Variants in TECTA observed in about 807,000 individuals in gnomAD.
The protein encoded by TECTA is alpha-tectorin.
A neutral mutation model predicts 216.8 loss-of-function variants in TECTA; 128 were observed. That is an observed-to-expected ratio of 0.59 (90% CI 0.51 to 0.68). The LOEUF is 0.68. Among genes scored for constraint, TECTA ranks in the 30% least tolerant of loss-of-function variants. The pLI is 0.00. For synonymous variants in TECTA, 1,089 were observed against 1,117.1 expected (o/e 0.97, Z 0.50); for missense variants, 2,551 against 2,786.2 (o/e 0.92, Z 1.90).
In TECTA at chr11:121,168,069, A is replaced by G; in HGVS notation, c.5602A>G (p.Ile1868Val). ...TGTTCTGCAGTCCAATGGCACGCATATCATGTATAAAAACACACTCTGGAT... is the reference window on the plus strand; with the variant it reads ...TGTTCTGCAGTCCAATGGCACGCATGTCATGTATAAAAACACACTCTGGAT... ...GNIVQSNGTH[I>V]MYKNTLWIES... Residue 1868 changes from isoleucine (I) to valine (V), a missense_variant, in exon 19 of 24, where the codon ATC becomes GTC. This residue lies in a region of TECTA where 2,375 missense variants were observed against 2,563.9 expected (regional missense o/e 0.93). Coordinates refer to ENST00000392793, the MANE Select transcript of TECTA (RefSeq NM_005422.4). 1 of 1,614,176 alleles carries G rather than the reference A, an allele frequency of 6.2e-7. No individual in the cohort carries two copies. Among genetic ancestry groups the G allele is most frequent in the East Asian group, 2.2e-5 (1 of 44,888 alleles).
intron 8 of TECTA, among the ~76,000 whole-genome samples, chr11:121,126,604 G>A (rs1438831692): frequency 2.0e-5 from 3 of 152,164 alleles, no homozygotes; most frequent in South Asian, 4.1e-4. Context: ...CTCCATATGA[G>A]TAAATAGAAA....
rs372185673 is a variant in TECTA, at chr11:121,113,170, C to T, written c.585C>T (p.Gly195=). 5.3e-5 allele frequency: 85 copies of T among 1,613,894 alleles called. No individual in the cohort carries two copies. The highest frequency in any genetic ancestry group is 1.6e-4 in the Middle Eastern group (1 of 6,084). The change falls in exon 5 of 24, where the codon GGC becomes GGT. Residue 195 remains glycine (G), a synonymous_variant. Coordinates refer to ENST00000392793, the MANE Select transcript of TECTA (RefSeq NM_005422.4). This position sits in a 1 kb window ranked among gnomAD's most constrained non-coding sequence, Gnocchi z 4.2. ...ACTGGACCACGGGGACGGCGAGTGG[C>T]GGCGACCCCCTGACAGGTCTTGGTG... is the stretch of plus-strand genomic sequence containing the variant. ...EINWTTGTAS[G]GDPLTGLGGV...
intron 23 of TECTA, 125 bp downstream of exon 23, chr11:121,190,005 A>C: frequency 1.3e-6 from 1 of 762,210 alleles, no homozygotes; most frequent in Non-Finnish European, 2.3e-6. Flanking sequence ...TCCAGAAATT[A>C]AGAAGGAAAG....
chr11:121,118,632 T>A lies in TECTA; in HGVS notation c.1117T>A (p.Ser373Thr), dbSNP rs111928830. The A allele has an allele frequency of 2.2e-5, 36 of 1,614,082 alleles. 1 individual carries two copies. Among genetic ancestry groups the A allele is most frequent in the African/African-American group, 1.9e-4 (14 of 75,032 alleles). ...VEAKNEHRRG[S>T]AVSWVKELSV... ...GGCCAAGAATGAACACCGCAGAGGT[T>A]CAGCCGTCTCCTGGGTGAAGGAGCT... is the stretch of plus-strand genomic sequence containing the variant. Residue 373 changes from serine (S) to threonine (T), a missense_variant, in exon 7 of 24, where the codon TCA becomes ACA. Around this residue, in one of 3 missense-constraint regions of TECTA, gnomAD observed 2,375 missense variants for 2,563.9 expected, o/e 0.93. Coordinates refer to ENST00000392793, the MANE Select transcript of TECTA (RefSeq NM_005422.4).
intron 10 of TECTA, among the ~76,000 whole-genome samples, chr11:121,136,208 G>A (rs528810549): frequency 6.6e-6 from 1 of 152,136 alleles, no homozygotes; most frequent in East Asian, 1.9e-4. Context: ...TGATCCACCC[G>A]CCTCAGCCTC....
rs756176883 is a variant in TECTA at position 121,105,805 on chromosome 11, T to C, written c.65-26T>C. 1.2e-6 allele frequency: 2 copies of C among 1,614,000 alleles called. No individual in the cohort carries two copies. Among genetic ancestry groups the C allele is most frequent in the South Asian group, 2.2e-5 (2 of 91,070 alleles). The stretch of plus-strand genomic sequence containing the variant: ...CCAAACGGCAGAGGGAGCTGCCATC[T>C]ATCTAACCATCATCTCTCTTGACAG... On this transcript the variant is annotated intron_variant, in intron 2 of 23. Coordinates refer to ENST00000392793, the MANE Select transcript of TECTA (RefSeq NM_005422.4). This position sits in a 1 kb window ranked among gnomAD's most constrained non-coding sequence, Gnocchi z 5.3.
rs1278108189 is a variant in TECTA at position 121,125,431 on chromosome 11, G to A, written c.1333G>A (p.Ala445Thr). 4.3e-6 allele frequency: 7 copies of A among 1,614,014 alleles called. No homozygotes were observed. Among genetic ancestry groups the A allele is most frequent in the Middle Eastern group, 1.6e-4 (1 of 6,084 alleles). ...AGTGACTTTTGATGGCCAGCACTAC[G>A]CCTCCATTTCCGTCCCAGGCTCCTA... Reference protein sequence around the residue: ...LLVTFDGQHYASISVPGSYIN... With the variant: ...LLVTFDGQHYTSISVPGSYIN... The change falls in exon 8 of 24, where the codon GCC becomes ACC. Residue 445 changes from alanine to threonine, a missense_variant. Around this residue, in one of 3 missense-constraint regions of TECTA, gnomAD observed 2,375 missense variants for 2,563.9 expected, o/e 0.93. Coordinates refer to ENST00000392793, the MANE Select transcript of TECTA (RefSeq NM_005422.4).
At position 121,109,097 on chromosome 11, in the gene TECTA, G is replaced by A. The variant is rs1175928595; in HGVS notation, c.199-114G>A. 7 of 1,168,296 alleles carry A rather than the reference G, an allele frequency of 6.0e-6. No homozygotes were observed. In the African/African-American group the frequency reaches 1.1e-4, roughly 18 times the overall value. The allele number at this position is 1,168,296 out of a possible 1,614,324, so 72.4% of individuals were successfully genotyped here. ...CCCGGTGTTTGGGGGTTCTAATTCA[G>A]TAGTTTAAAAGTTGTTTTCATTCAT... On this transcript the variant is annotated intron_variant, in intron 3 of 23. Coordinates refer to ENST00000392793, the MANE Select transcript of TECTA (RefSeq NM_005422.4).
At chr11:121,116,094 C>A (rs1215116536) in intron 6 of TECTA, among the ~76,000 whole-genome samples, 1 of 152,168 alleles carries the variant, frequency 6.6e-6, no homozygotes, top group Non-Finnish European at 1.5e-5. Context: ...TGGACCCTTG[C>A]CTCTGTGGAC....
rs1312785103 is a variant in TECTA, at chr11:121,168,196, C to A, written c.5729C>A (p.Ser1910Tyr). ...CTGGATATCAAGATCTCCTTGGATT[C>A]TGTTGTGAAGCCTATGCTAAGGTAA... ...YELDIKISLD[S>Y]VVKPMLSVIN... is the part of the protein sequence containing the mutation. The change falls in exon 19 of 24, where the codon TCT (serine) becomes TAT (tyrosine). Residue 1910 changes from serine (S) to tyrosine (Y), a missense_variant. This residue lies in a region of TECTA where 2,375 missense variants were observed against 2,563.9 expected (regional missense o/e 0.93). Transcript: ENST00000392793. 1.2e-6 allele frequency: 2 copies of A among 1,614,246 alleles called. No individual in the cohort carries two copies. The highest frequency in any genetic ancestry group is 3.3e-5 in the Admixed American group (2 of 60,032).
intron 6 of TECTA, among the ~76,000 whole-genome samples, chr11:121,115,749 C>G (rs1349946089): frequency 6.6e-6 from 1 of 152,168 alleles, no homozygotes; most frequent in Non-Finnish European, 1.5e-5. Flanking sequence ...GAACTCCAAA[C>G]TCCTGGGCTC....
At chr11:121,110,682 T>C (rs920332065) in intron 4 of TECTA, 2 of 152,240 alleles carry the variant, frequency 1.3e-5, no homozygotes, top group Admixed American at 1.3e-4. Context: ...AGCGTTAGAA[T>C]GTGGGATGCC....
At position 121,131,749 on chromosome 11, in the gene TECTA, G is replaced by A. The variant is rs74454916; in HGVS notation, c.2941+1538G>A. On this transcript the variant is annotated intron_variant, in intron 10 of 23. Coordinates refer to ENST00000392793, the MANE Select transcript of TECTA (RefSeq NM_005422.4). Reference sequence around the variant, plus strand: ...TCAGTCTTTGACTTTCATTGTCTTAGCGTTCTTGAAGAGTACAGGCCAGTT... The same window carrying A: ...TCAGTCTTTGACTTTCATTGTCTTAACGTTCTTGAAGAGTACAGGCCAGTT... 2.2e-3 allele frequency among the ~76,000 whole-genome samples: 341 copies of A among 152,276 alleles called. 4 individuals carry two copies. Among genetic ancestry groups the A allele is most frequent in the African/African-American group, 7.9e-3 (327 of 41,564 alleles).
intron 4 of TECTA, among the ~76,000 whole-genome samples, chr11:121,112,118 C>T (rs540875390): frequency 1.3e-4 from 20 of 152,258 alleles, no homozygotes; most frequent in African/African-American, 4.3e-4. Flanking sequence ...AACTCTATTT[C>T]TATTAAATTT....
At chr11:121,158,251 G>C (rs757764606) in intron 14 of TECTA, 27 bp downstream of exon 14, 28 of 1,607,248 alleles carry the variant, frequency 1.7e-5, no homozygotes, top group Non-Finnish European at 2.3e-5. Context: ...CCATTCTTAA[G>C]AAGGGGCCCG....
chr11:121,164,760 G>A (rs1430419716), intron 16 of TECTA, among the ~76,000 whole-genome samples: 3 of 152,136 alleles, frequency 2.0e-5, no homozygotes, highest in African/African-American at 7.2e-5. Flanking sequence ...CCTGGTGTGG[G>A]AGACCTCTCT....
rs1158274848 is a variant in TECTA at position 121,137,512 on chromosome 11, T to C, written c.3033T>C (p.Asp1011=). The change falls in exon 11 of 24, where the codon GAT becomes GAC. Residue 1011 remains aspartate (D), a synonymous_variant. Transcript: ENST00000392793. The part of the protein sequence containing the change: ...ETLTLGPICV[D]SCSEGCQCDE... ...TTACCCTGGGCCCCATCTGCGTGGA[T>C]AGCTGCTCTGAGGGATGTCAGTGTG... 1 of 1,613,898 alleles carries C rather than the reference T, an allele frequency of 6.2e-7. No homozygotes were observed. The highest frequency in any genetic ancestry group is 2.2e-5 in the East Asian group (1 of 44,790).
intron 20 of TECTA, among the ~76,000 whole-genome samples, chr11:121,175,640 G>T (rs1484301441): frequency 6.6e-6 from 1 of 152,186 alleles, no homozygotes; most frequent in East Asian, 1.9e-4. Context: ...AATAGGTGTG[G>T]TGTGGTGCTG....
intron 3 of TECTA, 89 bp downstream of exon 3, chr11:121,106,053 C>T: frequency 1.2e-6 from 2 of 1,600,102 alleles, no homozygotes; most frequent in Non-Finnish European, 1.7e-6. Flanking sequence ...TCTTCCAGAG[C>T]TCTGGGAAGG....
Sources: allele counts gnomAD v4.1 joint callset (sites outside exome capture counted in the v4.1 genomes callset), GRCh38; gene constraint gnomAD v4.1.1; regional missense constraint gnomAD v4.1.1; non-coding constraint Gnocchi (gnomAD v3.1); transcripts MANE v1.5; gene names NCBI Gene and HGNC (gene_info 2026-07-23, HGNC 2026-07-21).